The following UHRF2 variants were observed in gnomAD, a reference collection of about 807,000 sequenced individuals.
UHRF2 encodes E3 ubiquitin-protein ligase UHRF2.
In UHRF2, 23 loss-of-function variants were observed where a neutral mutation model predicts 96.8. The ratio of observed to expected loss-of-function variants is 0.24; its 90% CI spans 0.17 to 0.34. UHRF2 has a LOEUF of 0.34. Ranked by LOEUF, UHRF2 falls within the 10% of genes least tolerant of loss-of-function variation. UHRF2 has a pLI of 1.00. For missense variants in UHRF2, 685 were observed against 981.5 expected, an observed-to-expected ratio of 0.70 and a Z score of 4.04; for synonymous variants, 385 against 332.6, an observed-to-expected ratio of 1.16 and a Z score of -1.72.
intron 2 of UHRF2, among the ~76,000 whole-genome samples, chr9:6,431,425 T>C (rs1332106487): frequency 1.3e-5 from 2 of 152,004 alleles, no homozygotes; most frequent in Admixed American, 6.6e-5. Context: ...CTGGGCAACA[T>C]AGCAAACTCT....
chr9:6,414,556 A>G (rs1819480253), intron 1 of UHRF2, among the ~76,000 whole-genome samples: 2 of 152,006 alleles, frequency 1.3e-5, no homozygotes, highest in Admixed American at 1.3e-4. Flanking sequence ...ATCCCTAGCC[A>G]CTCAGACCCA....
At chr9:6,424,544 C>A (rs956652399) in intron 2 of UHRF2, among the ~76,000 whole-genome samples, 1 of 152,126 alleles carries the variant, frequency 6.6e-6, no homozygotes, top group Non-Finnish European at 1.5e-5. Flanking sequence ...TATTTTAGAA[C>A]AGTTTTAGAT....
At chr9:6,459,588 G>A (rs1291247683) in intron 3 of UHRF2, among the ~76,000 whole-genome samples, 1 of 152,200 alleles carries the variant, frequency 6.6e-6, no homozygotes, top group East Asian at 1.9e-4. Context: ...AGAATCACTT[G>A]AACCCAGGAG....
intron 1 of UHRF2, among the ~76,000 whole-genome samples, chr9:6,417,543 T>G (rs1358000323): frequency 6.6e-6 from 1 of 152,228 alleles, no homozygotes; most frequent in East Asian, 1.9e-4. Flanking sequence ...TCTCAACACT[T>G]CACAGCTCTT....
intron 2 of UHRF2, chr9:6,422,500 A>T: frequency 9.4e-6 from 4 of 423,626 alleles, no homozygotes; most frequent in Non-Finnish European, 4.3e-6. Context: ...TACAAATCTG[A>T]TGGGATTCTA....
At chr9:6,483,829 A>G (rs1225294253) in intron 8 of UHRF2, among the ~76,000 whole-genome samples, 1 of 152,134 alleles carries the variant, frequency 6.6e-6, no homozygotes, top group Non-Finnish European at 1.5e-5. Context: ...AGCTGGGATT[A>G]CAGGCATGCA....
intron 2 of UHRF2, among the ~76,000 whole-genome samples, chr9:6,430,492 G>A (rs1419004681): frequency 6.6e-6 from 1 of 152,132 alleles, no homozygotes; most frequent in Non-Finnish European, 1.5e-5. Flanking sequence ...GCTGAGGAGA[G>A]ACTGCCCTTT....
At position 6,413,544 on chromosome 9, in the gene UHRF2, C is replaced by A; in HGVS notation, c.54C>A (p.Asp18Glu). Reference protein sequence around the residue: ...IDGSKTCTIEDVSRKATIEEL... With the variant: ...IDGSKTCTIEEVSRKATIEEL... ...GCTCCAAGACGTGCACCATTGAGGA[C>A]GTGTCTCGCAAAGCCACGATTGAGG... The change falls in exon 1 of 16, where the codon GAC becomes GAA. Residue 18 changes from aspartate (D) to glutamate (E), a missense_variant. This residue lies in a region of UHRF2 where 38 missense variants were observed against 35.9 expected (regional missense o/e 1.06). Coordinates refer to ENST00000276893, the MANE Select transcript of UHRF2 (RefSeq NM_152896.3). 1.3e-6 allele frequency: 2 copies of A among 1,596,708 alleles called. No individual in the cohort carries two copies. Among genetic ancestry groups the A allele is most frequent in the Non-Finnish European group, 1.7e-6 (2 of 1,172,504 alleles).
intron 3 of UHRF2, among the ~76,000 whole-genome samples, chr9:6,446,340 A>G (rs1259822584): frequency 6.6e-6 from 1 of 151,678 alleles, no homozygotes; most frequent in African/African-American, 2.4e-5. Context: ...ACAGGGTTTT[A>G]GCATGTTGGC....
intron 2 of UHRF2, among the ~76,000 whole-genome samples, chr9:6,425,599 TAA>T (rs879401826): frequency 2.1e-5 from 3 of 141,570 alleles, no homozygotes; most frequent in Admixed American, 7.1e-5. Flanking sequence ...TGCCGAAAAT[TAA>T]AAAAAAAAAA....
At chr9:6,491,807 T>C (rs1290624437) in intron 9 of UHRF2, among the ~76,000 whole-genome samples, 1 of 152,258 alleles carries the variant, frequency 6.6e-6, no homozygotes, top group African/African-American at 2.4e-5. Flanking sequence ...AGAACTTGTT[T>C]AGGCTACTGC....
chr9:6,472,867 A>G (rs1823332162), intron 4 of UHRF2, among the ~76,000 whole-genome samples: 1 of 152,216 alleles, frequency 6.6e-6, no homozygotes, highest in Admixed American at 6.5e-5. Flanking sequence ...GTTGGGGGAA[A>G]AAGGAAAAAA....
intron 3 of UHRF2, among the ~76,000 whole-genome samples, chr9:6,450,066 G>T (rs1268136375): frequency 6.6e-6 from 1 of 152,158 alleles, no homozygotes; most frequent in African/African-American, 2.4e-5. Context: ...GAGGAGTCCT[G>T]TGAGTTCTGC....
In UHRF2 at chr9:6,467,595, G is replaced by GTTTTT. The variant is rs34366483; in HGVS notation, c.863+6822_863+6826dup. On this transcript the variant is annotated intron_variant, in intron 4 of 15. Coordinates refer to ENST00000276893, the MANE Select transcript of UHRF2 (RefSeq NM_152896.3). ...GTATTTCATAGATTCCGAGAGAATAGTTTTTTTTTTTTTTTTTTTTTTGGT... is the reference window on the plus strand; with the variant it reads ...GTATTTCATAGATTCCGAGAGAATAGTTTTTTTTTTTTTTTTTTTTTTTTTTTGGT... 7.3e-3 allele frequency among the ~76,000 whole-genome samples: 721 copies of GTTTTT among 99,110 alleles called. 7 individuals carry two copies. The highest frequency in any genetic ancestry group is 0.028 in the African/African-American group (670 of 24,052). The allele number at this position is 99,110 out of a possible 152,430, so 65.0% of individuals were successfully genotyped here. A position where few individuals can be genotyped will look rare whatever the true frequency, so the allele number is the denominator to read the frequency against.
At chr9:6,488,301 A>G (rs1824434481) in intron 9 of UHRF2, among the ~76,000 whole-genome samples, 2 of 98,712 alleles carry the variant, frequency 2.0e-5, no homozygotes, top group African/African-American at 8.2e-5. Context: ...AAAAAAAAAA[A>G]AAAAAATGCG....
chr9:6,441,864 A>C (rs577634430), intron 3 of UHRF2, among the ~76,000 whole-genome samples: 3 of 152,144 alleles, frequency 2.0e-5, no homozygotes, highest in Admixed American at 6.5e-5. Context: ...TCCACTATAC[A>C]GTCTTTACCC....
intron 1 of UHRF2, among the ~76,000 whole-genome samples, chr9:6,418,328 C>G (rs1819733031): frequency 6.8e-6 from 1 of 146,018 alleles, no homozygotes; most frequent in Non-Finnish European, 1.5e-5. Flanking sequence ...GGCTTACTTG[C>G]TTACTGACTT....
chr9:6,463,695 C>T (rs954837462), intron 4 of UHRF2, among the ~76,000 whole-genome samples: 7 of 152,038 alleles, frequency 4.6e-5, no homozygotes, highest in Admixed American at 2.0e-4. Flanking sequence ...GGTTTCGAAC[C>T]CCTGAGCTCA....
chr9:6,424,270 A>G (rs906070741), intron 2 of UHRF2, among the ~76,000 whole-genome samples: 4 of 152,236 alleles, frequency 2.6e-5, no homozygotes, highest in African/African-American at 9.6e-5. Context: ...AGCTCAAGGA[A>G]TTAATGCGTG....
Sources: gnomAD v4.1 joint callset for allele counts (sites outside exome capture counted in the v4.1 genomes callset) on GRCh38, gnomAD v4.1.1 for gene constraint, gnomAD v4.1.1 regional missense constraint, MANE v1.5 for transcripts, NCBI Gene and HGNC (gene_info 2026-07-23, HGNC 2026-07-21) for gene names.